The following TLL2 variants were observed in gnomAD, a reference collection of about 807,000 sequenced individuals.
TLL2 encodes tolloid-like protein 2.
A neutral mutation model predicts 123.0 loss-of-function variants in TLL2; 106 were observed. That is an observed-to-expected ratio of 0.86 (90% CI 0.74 to 1.01). The LOEUF is 1.01. Ranked by LOEUF, TLL2 falls within the 50% of genes least tolerant of loss-of-function variation. TLL2 has a pLI of 0.00. For synonymous variants in TLL2, 494 were observed against 516.8 expected, an observed-to-expected ratio of 0.96 and a Z score of 0.60; for missense variants, 1,332 against 1,336.7, an observed-to-expected ratio of 1.00 and a Z score of 0.06.
intron 2 of TLL2, among the ~76,000 whole-genome samples, chr10:96,476,229 T>TA (rs1401157824): frequency 2.7e-5 from 1 of 37,316 alleles, no homozygotes; most frequent in African/African-American, 8.3e-5. Flanking sequence ...TATGTATATA[T>TA]ATATATATAT....
intron 13 of TLL2, among the ~76,000 whole-genome samples, chr10:96,392,580 C>A (rs1846299515): frequency 6.6e-6 from 1 of 152,056 alleles, no homozygotes; most frequent in African/African-American, 2.4e-5. Context: ...ACCAGTTATC[C>A]CCCTGGAATG....
chr10:96,470,150 G>A (rs142516487), intron 2 of TLL2, among the ~76,000 whole-genome samples: 1 of 152,318 alleles, frequency 6.6e-6, no homozygotes, highest in East Asian at 1.9e-4. Flanking sequence ...ATGACCACAT[G>A]GCTAAAGGGT....
At chr10:96,511,645 G>C (rs965012476) in intron 1 of TLL2, among the ~76,000 whole-genome samples, 4 of 152,226 alleles carry the variant, frequency 2.6e-5, no homozygotes, top group African/African-American at 9.6e-5. Flanking sequence ...CCTGCCTCAG[G>C]GTTATCCTCC....
intron 8 of TLL2, among the ~76,000 whole-genome samples, chr10:96,411,121 T>C (rs1846501072): frequency 6.6e-6 from 1 of 151,882 alleles, no homozygotes; most frequent in Admixed American, 6.6e-5. Flanking sequence ...CGTGCACCTG[T>C]AATCCCAGCT....
At chr10:96,372,652 G>C (rs1425981243) in intron 19 of TLL2, among the ~76,000 whole-genome samples, 3 of 152,186 alleles carry the variant, frequency 2.0e-5, no homozygotes, top group Non-Finnish European at 2.9e-5. Flanking sequence ...TCACTTTCCA[G>C]AACTGGTCCT....
chr10:96,432,951 T>A lies in TLL2; in HGVS notation c.376A>T (p.Asn126Tyr), dbSNP rs1311361001. Residue 126 changes from asparagine (N) to tyrosine (Y), a missense_variant, in exon 4 of 21, where the codon AAT becomes TAT. Coordinates refer to ENST00000357947, the MANE Select transcript of TLL2 (RefSeq NM_012465.4). Reference protein sequence around the residue: ...TKEAGKDGRENTTLLHSPGTL... With the variant: ...TKEAGKDGREYTTLLHSPGTL... The stretch of plus-strand genomic sequence containing the variant: ...CCAGGGCTGTGCAGGAGTGTGGTAT[T>A]CTCCCGGCCATCTGCAACACAGTCA... The A allele has an allele frequency of 1.4e-5, 23 of 1,613,368 alleles. No homozygotes were observed. The highest frequency in any genetic ancestry group is 1.9e-5 in the Non-Finnish European group (22 of 1,179,668).
At chr10:96,470,773 C>G (rs1847171672) in intron 2 of TLL2, among the ~76,000 whole-genome samples, 1 of 152,200 alleles carries the variant, frequency 6.6e-6, no homozygotes, top group Non-Finnish European at 1.5e-5. Context: ...AAATTCATTT[C>G]CACACCTACA....
In TLL2 at chr10:96,468,768, G is replaced by A. The variant is rs77511810; in HGVS notation, c.286+11581C>T. On this transcript the variant is annotated intron_variant, in intron 2 of 20. Coordinates refer to ENST00000357947, the MANE Select transcript of TLL2 (RefSeq NM_012465.4). ...CCACCTGGCCCTGCACCCCACCGTG[G>A]CCCCAGGTGGAGTCCCAGCCCAGCT... is the stretch of plus-strand genomic sequence containing the variant. Among the ~76,000 whole-genome samples the A allele has an allele frequency of 3.8e-4, 58 of 152,276 alleles. 1 individual carries two copies. The East Asian group carries it at 0.011, about 28-fold the overall frequency.
At chr10:96,480,872 G>A (rs1847306358) in intron 1 of TLL2, among the ~76,000 whole-genome samples, 1 of 152,232 alleles carries the variant, frequency 6.6e-6, no homozygotes, top group Non-Finnish European at 1.5e-5. Context: ...CCTGGGGAAA[G>A]ATTATAGCTC....
chr10:96,472,292 A>G (rs1023221419), intron 2 of TLL2, among the ~76,000 whole-genome samples: 5 of 152,188 alleles, frequency 3.3e-5, no homozygotes, highest in African/African-American at 9.6e-5. Flanking sequence ...TCTGTAGGAT[A>G]TCATAGGGAG....
At chr10:96,509,480 G>A (rs1300387613) in intron 1 of TLL2, among the ~76,000 whole-genome samples, 1 of 152,202 alleles carries the variant, frequency 6.6e-6, no homozygotes, top group Non-Finnish European at 1.5e-5. Flanking sequence ...TCCCAGTGGG[G>A]TCAGGGGCCC....
chr10:96,408,304 T>C (rs1439643799), intron 9 of TLL2, among the ~76,000 whole-genome samples: 1 of 152,204 alleles, frequency 6.6e-6, no homozygotes, highest in South Asian at 2.1e-4. Context: ...ATAAAGACCA[T>C]AGGGGAAAGA....
chr10:96,484,610 C>G (rs1012676006), intron 1 of TLL2, among the ~76,000 whole-genome samples: 2 of 151,700 alleles, frequency 1.3e-5, no homozygotes, highest in African/African-American at 4.8e-5. Flanking sequence ...CACACACACA[C>G]ACACACACAC....
rs946012569 is a variant in TLL2, at chr10:96,406,273, C to T, written c.1165-939G>A. Among the ~76,000 whole-genome samples, 7 of 152,284 alleles carry T rather than the reference C, an allele frequency of 4.6e-5. 1 individual carries two copies. In the South Asian group the frequency reaches 1.4e-3, roughly 32 times the overall value. ...CAGATTTCCCCTGGCCTTTCACCCC[C>T]ACGCAAGTTCCACTAAACCAGGTGC... is the stretch of plus-strand genomic sequence containing the variant. On this transcript the variant is annotated intron_variant, in intron 9 of 20. Coordinates refer to ENST00000357947, the MANE Select transcript of TLL2 (RefSeq NM_012465.4).
chr10:96,503,470 G>C (rs1475925065), intron 1 of TLL2, among the ~76,000 whole-genome samples: 1 of 152,182 alleles, frequency 6.6e-6, no homozygotes. Flanking sequence ...GGAAATAAGG[G>C]GGGCAGAGGC....
At chr10:96,461,240 A>G (rs970748560) in intron 2 of TLL2, among the ~76,000 whole-genome samples, 3 of 152,148 alleles carry the variant, frequency 2.0e-5, no homozygotes, top group Non-Finnish European at 2.9e-5. Flanking sequence ...AAATGTGCCC[A>G]TCACAGGACT....
chr10:96,480,282 C>T lies in TLL2; in HGVS notation c.286+67G>A. The stretch of plus-strand genomic sequence containing the variant: ...TCAAACACCGATGACTCGTGGACCA[C>T]ATCTCCCCCTGCTGAAGTCCCTCAT... On this transcript the variant is annotated intron_variant, in intron 2 of 20. Coordinates refer to ENST00000357947, the MANE Select transcript of TLL2 (RefSeq NM_012465.4). 3 of 1,354,646 alleles carry T rather than the reference C, an allele frequency of 2.2e-6. 1 individual carries two copies. In the South Asian group the frequency reaches 3.6e-5, roughly 16 times the overall value. The allele number at this position is 1,354,646 out of a possible 1,614,324, so 83.9% of individuals were successfully genotyped here. A position where few individuals can be genotyped will look rare whatever the true frequency, so the allele number is the denominator to read the frequency against.
At chr10:96,403,625 G>A (rs184998468) in intron 10 of TLL2, among the ~76,000 whole-genome samples, 99 of 152,318 alleles carry the variant, frequency 6.5e-4, no homozygotes, top group African/African-American at 2.1e-3. Context: ...CTCCCCATGT[G>A]ATAGTCTGAA....
chr10:96,411,698 C>T (rs74153659), intron 8 of TLL2, among the ~76,000 whole-genome samples: 16,142 of 152,220 alleles, frequency 0.11, 1,131 homozygotes, highest in African/African-American at 0.19. Context: ...GGAGATCCAG[C>T]ATCCTTAGGC....
Sources: gnomAD v4.1 joint callset for allele counts (sites outside exome capture counted in the v4.1 genomes callset) on GRCh38, gnomAD v4.1.1 for gene constraint, MANE v1.5 for transcripts, NCBI Gene and HGNC (gene_info 2026-07-23, HGNC 2026-07-21) for gene names.